STXBP5: variants seen among roughly 807,000 people sequenced by gnomAD.
STXBP5 encodes syntaxin binding protein 5.
A neutral mutation model predicts 152.4 loss-of-function variants in STXBP5; 50 were observed. The observed-to-expected ratio is 0.33, with a 90% CI of 0.26 to 0.42. The LOEUF is 0.42. Ranked by LOEUF, STXBP5 falls within the 10% of genes least tolerant of loss-of-function variation. The probability of loss-of-function intolerance (pLI) is 1.00; values close to 1 mark genes in which losing one functional copy is unlikely to be tolerated. For missense variants in STXBP5, 1,167 were observed against 1,388.6 expected (o/e 0.84, Z 2.54); for synonymous variants, 492 against 494.7 (o/e 0.99, Z 0.07).
chr6:147,313,170 T>G (rs1782468973), intron 11 of STXBP5, among the ~76,000 whole-genome samples: 1 of 152,216 alleles, frequency 6.6e-6, no homozygotes, highest in Admixed American at 6.5e-5. Context: ...TTTAAAAAAT[T>G]GTCAGTAGTA....
chr6:147,272,570 C>T (rs534509631), intron 7 of STXBP5, among the ~76,000 whole-genome samples: 2 of 152,224 alleles, frequency 1.3e-5, no homozygotes, highest in South Asian at 4.1e-4. Flanking sequence ...TTATTATAGG[C>T]ATAATTCTTC....
At chr6:147,229,888 A>G (rs58831496) in intron 2 of STXBP5, among the ~76,000 whole-genome samples, 2,735 of 151,562 alleles carry the variant, frequency 0.018, 72 homozygotes, top group African/African-American at 0.062. Context: ...ATTAGATTCC[A>G]TGTTGAGTAG....
intron 25 of STXBP5, among the ~76,000 whole-genome samples, chr6:147,368,398 A>C (rs911715256): frequency 1.3e-5 from 2 of 152,232 alleles, no homozygotes; most frequent in African/African-American, 2.4e-5. Context: ...CTTATTAAAA[A>C]GCTTAAAAAA....
chr6:147,335,059 T>C (rs1783759449), intron 19 of STXBP5, among the ~76,000 whole-genome samples: 1 of 152,162 alleles, frequency 6.6e-6, no homozygotes, highest in South Asian at 2.1e-4. Flanking sequence ...ATGTTTGCCT[T>C]TTACAATTGC....
intron 19 of STXBP5, among the ~76,000 whole-genome samples, chr6:147,336,759 T>C (rs1783844865): frequency 6.6e-6 from 1 of 152,086 alleles, no homozygotes; most frequent in Non-Finnish European, 1.5e-5. Flanking sequence ...AATGAGTCTC[T>C]TGTAAATATT....
chr6:147,352,802 G>T (rs1457201831), intron 21 of STXBP5, among the ~76,000 whole-genome samples: 1 of 152,118 alleles, frequency 6.6e-6, no homozygotes. Context: ...TTAAAAGTTA[G>T]AATTTAAAAG....
intron 8 of STXBP5, among the ~76,000 whole-genome samples, chr6:147,282,329 A>G (rs552302156): frequency 1.3e-5 from 2 of 152,338 alleles, no homozygotes; most frequent in African/African-American, 4.8e-5. Context: ...ACTACCAAAA[A>G]CAAACAAAAG....
intron 9 of STXBP5, among the ~76,000 whole-genome samples, chr6:147,298,500 A>G (rs1562470517): frequency 6.6e-6 from 1 of 152,142 alleles, no homozygotes; most frequent in African/African-American, 2.4e-5. Context: ...ATACATTTAT[A>G]GAATATTCCA....
chr6:147,343,526 A>G (rs1287789010), intron 21 of STXBP5, among the ~76,000 whole-genome samples: 1 of 152,148 alleles, frequency 6.6e-6, no homozygotes, highest in African/African-American at 2.4e-5. Context: ...GACACATCCA[A>G]AGTAATGCCC....
intron 2 of STXBP5, 113 bp downstream of exon 2, chr6:147,206,181 T>C: frequency 3.6e-6 from 3 of 826,600 alleles, no homozygotes; most frequent in Non-Finnish European, 5.7e-6. Flanking sequence ...TGATTAGATA[T>C]ATACTATGAG....
chr6:147,213,473 T>TGCGCGCGCGCGCGCGCGC (rs1402421132), intron 2 of STXBP5, among the ~76,000 whole-genome samples: 1 of 126,426 alleles, frequency 7.9e-6, no homozygotes, highest in Non-Finnish European at 1.8e-5. Flanking sequence ...TGTGTGTGTG[T>TGCGCGCGCGCGCGCGCGC]GTGTGCGCGC....
At chr6:147,325,296 G>C (rs1440772256) in intron 17 of STXBP5, among the ~76,000 whole-genome samples, 1 of 152,260 alleles carries the variant, frequency 6.6e-6, no homozygotes, top group African/African-American at 2.4e-5. Flanking sequence ...CTGATGTAAA[G>C]TTAAATGCCT....
chr6:147,215,625 G>A (rs1009389889), intron 2 of STXBP5, among the ~76,000 whole-genome samples: 3 of 152,184 alleles, frequency 2.0e-5, no homozygotes, highest in Admixed American at 2.0e-4. Flanking sequence ...CAAACCATCC[G>A]CCCACCTCAG....
chr6:147,317,549 G>A (rs1562483369), intron 16 of STXBP5, among the ~76,000 whole-genome samples: 1 of 152,042 alleles, frequency 6.6e-6, no homozygotes, highest in African/African-American at 2.4e-5. Flanking sequence ...TTCTACAATG[G>A]ACAAGGCAGT....
At chr6:147,254,558 A>G (rs1377709940) in intron 4 of STXBP5, among the ~76,000 whole-genome samples, 1 of 152,224 alleles carries the variant, frequency 6.6e-6, no homozygotes, top group Non-Finnish European at 1.5e-5. Flanking sequence ...GCAAAAGGCT[A>G]ATATCCAGAA....
At position 147,273,195 on chromosome 6, in the gene STXBP5, T is replaced by TAAAAAAAAAAA. The variant is rs61153710; in HGVS notation, c.715-4883_715-4873dup. Among the ~76,000 whole-genome samples the TAAAAAAAAAAA allele has an allele frequency of 2.3e-4, 30 of 129,282 alleles. 4 individuals carry two copies. The highest frequency in any genetic ancestry group is 3.2e-4 in the Non-Finnish European group (20 of 62,884). The allele number at this position is 129,282 out of a possible 152,430, so 84.8% of individuals were successfully genotyped here. ...TAGCAAGACCCTGCCTCTAAAAAAG[T>TAAAAAAAAAAA]AAAAAAAAAAAAATTAGCTAGGCCT... is the stretch of plus-strand genomic sequence containing the variant. On this transcript the variant is annotated intron_variant, in intron 7 of 27. Coordinates refer to ENST00000321680, the MANE Select transcript of STXBP5 (RefSeq NM_001127715.4).
chr6:147,331,351 G>A (rs1172800400), intron 18 of STXBP5, among the ~76,000 whole-genome samples: 2 of 152,124 alleles, frequency 1.3e-5, no homozygotes, highest in African/African-American at 4.8e-5. Flanking sequence ...CTGAGTTTAG[G>A]TTATAAAGAT....
At chr6:147,219,530 A>G (rs1441824859) in intron 2 of STXBP5, among the ~76,000 whole-genome samples, 2 of 152,086 alleles carry the variant, frequency 1.3e-5, no homozygotes, top group Non-Finnish European at 2.9e-5. Flanking sequence ...GGTACTTTCT[A>G]TTTTGGGAAT....
Position 147,204,495 on chromosome 6 carries a change from C to A in STXBP5, c.-38C>A. The A allele has an allele frequency of 6.2e-7, 1 of 1,604,942 alleles. No homozygotes were observed. Among genetic ancestry groups the A allele is most frequent in the Non-Finnish European group, 8.5e-7 (1 of 1,176,760 alleles). ...CTCCCCCGCCCGGGGACCCCCTGTG[C>A]CTCCCCTCCCGGGCTGCGGGGGAGC... is the stretch of plus-strand genomic sequence containing the variant. On this transcript the variant is annotated 5_prime_UTR_variant, in exon 1 of 28. Transcript: ENST00000321680. The surrounding 1 kb of genome is among the most constrained non-coding windows in gnomAD (Gnocchi z 4.3).
Sources: allele counts gnomAD v4.1 joint callset (sites outside exome capture counted in the v4.1 genomes callset), GRCh38; gene constraint gnomAD v4.1.1; non-coding constraint Gnocchi (gnomAD v3.1); transcripts MANE v1.5; gene names NCBI Gene and HGNC (gene_info 2026-07-23, HGNC 2026-07-21).